Variants in SLC25A48 observed in about 807,000 individuals in gnomAD.
SLC25A48 encodes the protein CTC-321K16.1.
SLC25A48 carries 29 observed loss-of-function variants against 32.2 expected under a neutral mutation model. That is an observed-to-expected ratio of 0.90 (90% CI 0.67 to 1.23). SLC25A48 has a LOEUF of 1.23. SLC25A48 is among the 50% of genes most tolerant of loss of function. The pLI is 0.00. For missense variants in SLC25A48, 399 were observed against 422.7 expected (o/e 0.94, Z 0.49); for synonymous variants, 164 against 172.3 (o/e 0.95, Z 0.38).
At chr5:135,689,053 G>C (rs1343014160) in intron 3 of SLC25A48, among the ~76,000 whole-genome samples, 1 of 152,110 alleles carries the variant, frequency 6.6e-6, no homozygotes, top group Non-Finnish European at 1.5e-5. Flanking sequence ...TAAGATCAAG[G>C]CTACATAGCT....
chr5:135,634,689 G>A (rs1470933407), intron 2 of SLC25A48: 1 of 152,294 alleles, frequency 6.6e-6, no homozygotes, highest in Non-Finnish European at 1.5e-5. Context: ...AGAGGAGCTT[G>A]TTTGGACCCT....
At chr5:135,747,319 T>G (rs931068327) in intron 3 of SLC25A48, among the ~76,000 whole-genome samples, 1 of 151,830 alleles carries the variant, frequency 6.6e-6, no homozygotes, top group African/African-American at 2.4e-5. Flanking sequence ...TCTTTCCTTT[T>G]TTTTTTGGAG....
In SLC25A48 at chr5:135,745,233, A is replaced by G. The variant is rs973526145; in HGVS notation, c.-520-67290A>G. Among the ~76,000 whole-genome samples, 4 of 152,232 alleles carry G rather than the reference A, an allele frequency of 2.6e-5. No individual in the cohort carries two copies. In the East Asian group the frequency reaches 7.7e-4, roughly 29 times the overall value. ...TATAGATCATAGATTAGCTGAAAGCATTCCTTATGGGAAACAAAGGGACAG... is the reference window on the plus strand; with the variant it reads ...TATAGATCATAGATTAGCTGAAAGCGTTCCTTATGGGAAACAAAGGGACAG... On this transcript the variant is annotated intron_variant, in intron 3 of 10. Transcript: ENST00000646290.
At chr5:135,841,518 A>G (rs967290872) in intron 1 of SLC25A48, among the ~76,000 whole-genome samples, 3 of 152,214 alleles carry the variant, frequency 2.0e-5, no homozygotes, top group Non-Finnish European at 4.4e-5. Flanking sequence ...AGAGAAAAAT[A>G]ATACAGATTT....
chr5:135,681,308 C>G (rs553675068), intron 3 of SLC25A48, among the ~76,000 whole-genome samples: 12 of 152,302 alleles, frequency 7.9e-5, no homozygotes, highest in Middle Eastern at 6.8e-3. Flanking sequence ...TTTCTGTCTT[C>G]AAGTTCACTA....
intron 3 of SLC25A48, among the ~76,000 whole-genome samples, chr5:135,636,600 A>C (rs1297539419): frequency 6.6e-6 from 1 of 152,218 alleles, no homozygotes; most frequent in Non-Finnish European, 1.5e-5. Flanking sequence ...ATATGGCTGC[A>C]GGAATCTGCT....
At chr5:135,711,350 C>T (rs935165531) in intron 3 of SLC25A48, among the ~76,000 whole-genome samples, 3 of 152,138 alleles carry the variant, frequency 2.0e-5, no homozygotes, top group African/African-American at 7.2e-5. Context: ...AGAGGTGTCC[C>T]CAAGTTACTG....
At chr5:135,800,677 G>A (rs902240987) in intron 3 of SLC25A48, among the ~76,000 whole-genome samples, 4 of 151,802 alleles carry the variant, frequency 2.6e-5, no homozygotes, top group African/African-American at 7.3e-5. Flanking sequence ...TAAACACCTT[G>A]AGTGTACACC....
chr5:135,767,162 G>T (rs936538140), intron 3 of SLC25A48, among the ~76,000 whole-genome samples: 53 of 142,736 alleles, frequency 3.7e-4, no homozygotes, highest in African/African-American at 1.2e-3. Flanking sequence ...GGGTTATATT[G>T]CTCCCAATAT....
intron 3 of SLC25A48, among the ~76,000 whole-genome samples, chr5:135,707,538 G>A (rs748454680): frequency 2.0e-5 from 3 of 151,910 alleles, no homozygotes; most frequent in Admixed American, 6.6e-5. Flanking sequence ...TTGGGTCCCC[G>A]CAGCCCACCA....
intron 1 of SLC25A48, among the ~76,000 whole-genome samples, chr5:135,580,424 C>T (rs1005820290): frequency 6.6e-6 from 1 of 152,044 alleles, no homozygotes; most frequent in Non-Finnish European, 1.5e-5. Context: ...TCCCTGGAGG[C>T]AAAAATGCCC....
chr5:135,845,642 A>T (rs1004008897), intron 2 of SLC25A48, among the ~76,000 whole-genome samples: 1 of 152,158 alleles, frequency 6.6e-6, no homozygotes, highest in Non-Finnish European at 1.5e-5. Context: ...CCTTGTCTGT[A>T]AAGTGGGCAA....
At chr5:135,709,532 C>G (rs1356848582) in intron 3 of SLC25A48, among the ~76,000 whole-genome samples, 1 of 152,222 alleles carries the variant, frequency 6.6e-6, no homozygotes, top group African/African-American at 2.4e-5. Context: ...GCCCTGGAAT[C>G]TGCATTTTAG....
Position 135,760,527 on chromosome 5 carries a change from G to A in SLC25A48, c.-520-51996G>A, listed in dbSNP as rs374219579. On this transcript the variant is annotated intron_variant, in intron 3 of 10. Coordinates refer to the SLC25A48 transcript ENST00000646290. ...CACAGCAAGAGGCCAAAAAATGCCC[G>A]TTGGTGATTTTCAGAGTGGACTGCT... Among the ~76,000 whole-genome samples the A allele has an allele frequency of 1.1e-4, 16 of 152,334 alleles. 1 individual carries two copies. The South Asian group carries it at 1.4e-3, about 14-fold the overall frequency.
At chr5:135,604,788 G>A (rs1751891715) in intron 1 of SLC25A48, among the ~76,000 whole-genome samples, 1 of 151,986 alleles carries the variant, frequency 6.6e-6, no homozygotes, top group Non-Finnish European at 1.5e-5. Flanking sequence ...GGTGTCCAAA[G>A]TCCACAGCAG....
At chr5:135,645,793 C>G (rs1323803158) in intron 3 of SLC25A48, among the ~76,000 whole-genome samples, 2 of 152,202 alleles carry the variant, frequency 1.3e-5, no homozygotes, top group East Asian at 3.8e-4. Context: ...AGAGAAAACT[C>G]AGAGACTTTA....
chr5:135,859,342 C>T (rs1760592110), intron 4 of SLC25A48, among the ~76,000 whole-genome samples: 1 of 152,104 alleles, frequency 6.6e-6, no homozygotes, highest in Admixed American at 6.5e-5. Flanking sequence ...ACCATCAGAT[C>T]TCATGAGACT....
chr5:135,599,935 G>T (rs918470582), intron 1 of SLC25A48, among the ~76,000 whole-genome samples: 12 of 152,068 alleles, frequency 7.9e-5, no homozygotes, highest in African/African-American at 2.9e-4. Flanking sequence ...ACCTTGGGAA[G>T]AGGAGTCTAT....
chr5:135,835,834 C>T (rs775093149), intron 1 of SLC25A48, among the ~76,000 whole-genome samples: 2 of 152,290 alleles, frequency 1.3e-5, no homozygotes, highest in African/African-American at 2.4e-5. Context: ...TCCTCCCCTC[C>T]TACCTAGCAG....
Sources: allele counts gnomAD v4.1 joint callset (sites outside exome capture counted in the v4.1 genomes callset), GRCh38; gene constraint gnomAD v4.1.1; transcripts MANE v1.5; gene names NCBI Gene and HGNC (gene_info 2026-07-23, HGNC 2026-07-21).